MTMR2: variants seen among roughly 807,000 people sequenced by gnomAD.
MTMR2 encodes the protein myotubularin related protein 2.
In MTMR2, 55 loss-of-function variants were observed where a neutral mutation model predicts 86.9. That is an observed-to-expected ratio of 0.63 (90% CI 0.51 to 0.79). The LOEUF is 0.79. Ranked by LOEUF, MTMR2 falls within the 30% of genes least tolerant of loss-of-function variation. MTMR2 has a pLI of 0.00. For synonymous variants in MTMR2, 241 were observed against 266.8 expected, an observed-to-expected ratio of 0.90 and a Z score of 0.94; for missense variants, 659 against 772.3, an observed-to-expected ratio of 0.85 and a Z score of 1.74.
At chr11:95,849,459 G>C (rs79416877) in intron 9 of MTMR2, among the ~76,000 whole-genome samples, 133 of 152,226 alleles carry the variant, frequency 8.7e-4, no homozygotes, top group African/African-American at 3.0e-3. Context: ...AAACAACACT[G>C]TTAACTATTA....
rs1429586732 is a variant in MTMR2, at chr11:95,923,914, G to A, written c.41C>T (p.Pro14Leu). Residue 14 changes from proline (P) to leucine (L), a missense_variant, in exon 1 of 15, where the codon CCG becomes CTG. Around this residue, in one of 3 missense-constraint regions of MTMR2, gnomAD observed 79 missense variants for 54.4 expected, o/e 1.45. Transcript: ENST00000346299. Reference sequence around the variant, plus strand: ...CACGCTGGGCGGCCGAGCCGCCGCCGGCTGGGAGCCAAGACTCTCGCAGCT... The same window carrying A: ...CACGCTGGGCGGCCGAGCCGCCGCCAGCTGGGAGCCAAGACTCTCGCAGCT... ...SSSCESLGSQ[P>L]AAARPPSVDS... 11 of 1,560,238 alleles carry A rather than the reference G, an allele frequency of 7.1e-6. No individual in the cohort carries two copies. Among genetic ancestry groups the A allele is most frequent in the Non-Finnish European group, 8.7e-6 (10 of 1,151,880 alleles).
chr11:95,901,283 T>C (rs2135580533), intron 1 of MTMR2, among the ~76,000 whole-genome samples: 1 of 152,274 alleles, frequency 6.6e-6, no homozygotes, highest in South Asian at 2.1e-4. Context: ...ACACTCTCTC[T>C]CCAGCCTTAT....
chr11:95,910,882 T>TA (rs1285165361), intron 1 of MTMR2, among the ~76,000 whole-genome samples: 8 of 151,734 alleles, frequency 5.3e-5, no homozygotes, highest in Non-Finnish European at 1.2e-4. Flanking sequence ...AGATTTTATT[T>TA]AAAAAAAATA....
chr11:95,849,581 TG>T (rs1327773502), intron 9 of MTMR2, 92 bp downstream of exon 9: 2 of 1,139,302 alleles, frequency 1.8e-6, no homozygotes, highest in African/African-American at 1.5e-5. Flanking sequence ...TGTTTACCAC[TG>T]TAGAGCCTGA....
At chr11:95,899,636 T>TA (rs10654504) in intron 1 of MTMR2, among the ~76,000 whole-genome samples, 47,434 of 147,312 alleles carry the variant, frequency 0.32, 8,381 homozygotes, top group Non-Finnish European at 0.41. Context: ...TAAGAATGGT[T>TA]AAAAAAAAAA....
intron 1 of MTMR2, among the ~76,000 whole-genome samples, chr11:95,908,061 GT>G (rs1264906910): frequency 6.6e-6 from 1 of 151,958 alleles, no homozygotes; most frequent in Non-Finnish European, 1.5e-5. Flanking sequence ...CAAACTATCT[GT>G]TTACAGATGA....
rs746144943 is a variant in MTMR2 at position 95,838,226 on chromosome 11, A to G, written c.1480-19T>C. The G allele has an allele frequency of 1.4e-5, 18 of 1,279,486 alleles. 2 individuals are homozygous for G. The South Asian group carries it at 2.1e-4, about 15-fold the overall frequency. 79.3% of individuals were successfully genotyped at this position (1,279,486 alleles called of 1,614,324 possible). On this transcript the variant is annotated intron_variant, in intron 12 of 14. Coordinates refer to ENST00000346299, the MANE Select transcript of MTMR2 (RefSeq NM_016156.6). Reference sequence around the variant, plus strand: ...TAGGAAACTGCAAATCAAACATCACAAACACATAAATTAAGACATTCTTCA... The same window carrying G: ...TAGGAAACTGCAAATCAAACATCACGAACACATAAATTAAGACATTCTTCA...
intron 1 of MTMR2, among the ~76,000 whole-genome samples, chr11:95,893,493 G>A (rs1039061299): frequency 5.3e-5 from 8 of 151,470 alleles, no homozygotes; most frequent in African/African-American, 1.5e-4. Context: ...TGCCCACTTC[G>A]CTTCCCTTCC....
intron 1 of MTMR2, among the ~76,000 whole-genome samples, chr11:95,898,853 C>A (rs1280248887): frequency 6.6e-6 from 1 of 152,082 alleles, no homozygotes; most frequent in Non-Finnish European, 1.5e-5. Context: ...ATACTCTCAA[C>A]AATTTCACTA....
At position 95,907,998 on chromosome 11, in the gene MTMR2, G is replaced by A. The variant is rs1364772434; in HGVS notation, c.80+15877C>T. The A allele has an allele frequency of 1.2e-5, 3 of 241,342 alleles. No individual in the cohort carries two copies. In the Admixed American group the frequency reaches 1.6e-4, roughly 13 times the overall value. The allele number at this position is 241,342 out of a possible 1,614,324, so 15.0% of individuals were successfully genotyped here. ...AACATAACACTGTAAGTCCTAGCAA[G>A]AGCAATCAGGCAAGAGAAAGAAATA... On this transcript the variant is annotated intron_variant, in intron 1 of 14. Transcript: ENST00000346299.
In MTMR2 at chr11:95,833,494, C is replaced by T. The variant is rs1863116350; in HGVS notation, c.*1796G>A. 6.6e-6 allele frequency: 1 copy of T among 152,052 alleles called. No homozygotes were observed. Among genetic ancestry groups the T allele is most frequent in the Non-Finnish European group, 1.5e-5 (1 of 67,988 alleles). 9.4% of individuals were successfully genotyped at this position (152,052 alleles called of 1,614,324 possible). A position where few individuals can be genotyped will look rare whatever the true frequency, so the allele number is the denominator to read the frequency against. ...TATTAAATGCCCAAGTGCATGTACT[C>T]CATATTGGAGACTTCTGCAGAAGGT... On this transcript the variant is annotated 3_prime_UTR_variant, in exon 15 of 15. Transcript: ENST00000346299.
chr11:95,891,991 T>C (rs1033199364), intron 1 of MTMR2, among the ~76,000 whole-genome samples: 1 of 152,178 alleles, frequency 6.6e-6, no homozygotes, highest in Non-Finnish European at 1.5e-5. Flanking sequence ...CTACTCAGAC[T>C]GAAGGTGGCC....
chr11:95,893,627 T>G (rs541026289), intron 1 of MTMR2, among the ~76,000 whole-genome samples: 2 of 152,216 alleles, frequency 1.3e-5, no homozygotes, highest in Admixed American at 1.3e-4. Flanking sequence ...TGGGGCCACT[T>G]AGGACTTACG....
intron 2 of MTMR2, among the ~76,000 whole-genome samples, chr11:95,875,733 A>C (rs932925213): frequency 3.9e-5 from 6 of 151,926 alleles, no homozygotes; most frequent in African/African-American, 1.5e-4. Flanking sequence ...TTGTGGTTTT[A>C]TCTACCTTTG....
intron 1 of MTMR2, among the ~76,000 whole-genome samples, chr11:95,903,414 G>A (rs191223349): frequency 2.0e-5 from 3 of 152,062 alleles, no homozygotes; most frequent in East Asian, 1.9e-4. Flanking sequence ...TTGTCAACAC[G>A]GAAAGCTGCT....
At chr11:95,860,506 A>G (rs1053893087) in intron 5 of MTMR2, among the ~76,000 whole-genome samples, 3 of 152,222 alleles carry the variant, frequency 2.0e-5, no homozygotes, top group Non-Finnish European at 4.4e-5. Flanking sequence ...TGTCTCAAAA[A>G]AAAAGAAAAC....
At chr11:95,882,494 C>A (rs1437833091) in intron 2 of MTMR2, 1 of 124,972 alleles carries the variant, frequency 8.0e-6, no homozygotes, top group Non-Finnish European at 1.7e-5. Flanking sequence ...AGCGAGACTC[C>A]CTCTAAAATA....
At chr11:95,840,587 CTCA>C in intron 12 of MTMR2, among the ~76,000 whole-genome samples, 1 of 152,200 alleles carries the variant, frequency 6.6e-6, no homozygotes, top group African/African-American at 2.4e-5. Context: ...AAATACTAGT[CTCA>C]TCATATCATA....
At position 95,835,339 on chromosome 11, in the gene MTMR2, C is replaced by T. The variant is rs769463935; in HGVS notation, c.1883G>A (p.Arg628Lys). 2 of 1,612,976 alleles carry T rather than the reference C, an allele frequency of 1.2e-6. No homozygotes were observed. Among genetic ancestry groups the T allele is most frequent in the Non-Finnish European group, 8.5e-7 (1 of 1,179,362 alleles). Reference sequence around the variant, plus strand: ...GACACACTGTGCAGGAGAGCTGGCTCTCTCTGAGGATGAGGTTGATCGGTT... The same window carrying T: ...GACACACTGTGCAGGAGAGCTGGCTTTCTCTGAGGATGAGGTTGATCGGTT... ...ISNRSTSSSE[R>K]ASSPAQCVTP... The change falls in exon 15 of 15, where the codon AGA (arginine) becomes AAA (lysine). Residue 628 changes from arginine to lysine, a missense_variant. Arg to Lys is a conservative substitution (Grantham distance 26). This residue lies in a region of MTMR2 where 193 missense variants were observed against 191.6 expected (regional missense o/e 1.01). Transcript: ENST00000346299.
Sources: gnomAD v4.1 joint callset for allele counts (sites outside exome capture counted in the v4.1 genomes callset) on GRCh38, gnomAD v4.1.1 for gene constraint, gnomAD v4.1.1 regional missense constraint, MANE v1.5 for transcripts, NCBI Gene and HGNC (gene_info 2026-07-23, HGNC 2026-07-21) for gene names.